SKP2: variants seen among roughly 807,000 people sequenced by gnomAD.
The protein encoded by SKP2 is S-phase kinase associated protein 2.
SKP2 carries 16 observed loss-of-function variants against 51.8 expected under a neutral mutation model. That is an observed-to-expected ratio of 0.31 (90% CI 0.21 to 0.47). The LOEUF is 0.47. Among genes scored for constraint, SKP2 ranks in the 20% least tolerant of loss-of-function variants. The pLI is 1.00. For missense variants in SKP2, 377 were observed against 505.3 expected, an observed-to-expected ratio of 0.75 and a Z score of 2.43; for synonymous variants, 176 against 198.6, an observed-to-expected ratio of 0.89 and a Z score of 0.96.
intron 9 of SKP2, among the ~76,000 whole-genome samples, chr5:36,178,483 GA>G (rs1185108510): frequency 1.3e-5 from 2 of 152,018 alleles, no homozygotes; most frequent in African/African-American, 4.8e-5. Flanking sequence ...TCTCATTTGG[GA>G]AAGGACTGCC....
chr5:36,175,797 T>C (rs1745614859), intron 7 of SKP2, among the ~76,000 whole-genome samples: 1 of 152,062 alleles, frequency 6.6e-6, no homozygotes, highest in African/African-American at 2.4e-5. Flanking sequence ...TAGCAGTGTA[T>C]TTCACGGAAT....
chr5:36,181,692 A>C, intron 9 of SKP2, 126 bp from the exon 10 acceptor site: 4 of 926,554 alleles, frequency 4.3e-6, no homozygotes, highest in Non-Finnish European at 6.6e-6. Flanking sequence ...CAAATCATTT[A>C]TTGTAAATTA....
intron 9 of SKP2, chr5:36,177,568 G>A: frequency 2.5e-6 from 1 of 401,860 alleles, no homozygotes; most frequent in Non-Finnish European, 4.7e-6. Flanking sequence ...CAGAGAAGCA[G>A]AAGATAACCT....
rs113277879 is a variant in SKP2, at chr5:36,160,660, G to A, written c.281-2985G>A. Among the ~76,000 whole-genome samples, 722 of 152,342 alleles carry A rather than the reference G, an allele frequency of 4.7e-3. 7 individuals are homozygous for A. The highest frequency in any genetic ancestry group is 0.017 in the African/African-American group (695 of 41,582). ...TTCTGATCTAGATATGTAAGAGGCA[G>A]CAGAGGTCTGAGAGAGTTGGATTAA... On this transcript the variant is annotated intron_variant, in intron 2 of 9. Transcript: ENST00000274255.
intron 4 of SKP2, among the ~76,000 whole-genome samples, chr5:36,168,027 C>T (rs1745345677): frequency 1.3e-5 from 2 of 152,168 alleles, no homozygotes; most frequent in South Asian, 4.1e-4. Flanking sequence ...CTCCTTGTCA[C>T]CCACATCCAG....
intron 7 of SKP2, among the ~76,000 whole-genome samples, chr5:36,172,960 T>TA (rs886789392): frequency 3.9e-5 from 6 of 152,068 alleles, no homozygotes; most frequent in Non-Finnish European, 5.9e-5. Context: ...TACAGTCATT[T>TA]AAAAAAAATG....
intron 6 of SKP2, among the ~76,000 whole-genome samples, chr5:36,171,100 A>G (rs1377894779): frequency 1.3e-5 from 2 of 152,194 alleles, no homozygotes; most frequent in African/African-American, 4.8e-5. Flanking sequence ...CAGCAGTGCC[A>G]GAAGTGGGGA....
intron 2 of SKP2, among the ~76,000 whole-genome samples, chr5:36,160,046 C>A (rs1745076324): frequency 6.6e-6 from 1 of 152,194 alleles, no homozygotes; most frequent in Non-Finnish European, 1.5e-5. Context: ...TCTTGTACCT[C>A]ATTTACTCTT....
intron 6 of SKP2, among the ~76,000 whole-genome samples, chr5:36,190,683 C>CAAAAAAAAAAAAAAAAA (rs70973094): frequency 2.3e-4 from 19 of 81,190 alleles, no homozygotes; most frequent in African/African-American, 6.9e-4. Context: ...CAAACATATG[C>CAAAAAAAAAAAAAAAAA]AAAAAAAAAA....
rs1745859553 is a variant in SKP2, at chr5:36,183,046, A to G, written c.*1015A>G. 2.1e-6 allele frequency: 2 copies of G among 963,948 alleles called. No homozygotes were observed. The highest frequency in any genetic ancestry group is 1.1e-4 in the East Asian group (1 of 8,698). 59.7% of individuals were successfully genotyped at this position (963,948 alleles called of 1,614,324 possible). A position where few individuals can be genotyped will look rare whatever the true frequency, so the allele number is the denominator to read the frequency against. On this transcript the variant is annotated 3_prime_UTR_variant, in exon 10 of 10. Transcript: ENST00000274255. ...AATAATTGTTTGAAACTATCCATAT[A>G]TAAGGTTATCAGACCTACAGTTCCC...
intron 6 of SKP2, among the ~76,000 whole-genome samples, chr5:36,191,573 CTT>C (rs1258708612): frequency 1.3e-5 from 2 of 152,156 alleles, no homozygotes; most frequent in Non-Finnish European, 2.9e-5. Context: ...AAGTGCAAAA[CTT>C]TATTTCTGGA....
At position 36,184,046 on chromosome 5, in the gene SKP2, G is replaced by C; in HGVS notation, c.*2015G>C. On this transcript the variant is annotated 3_prime_UTR_variant, in exon 10 of 10. Transcript: ENST00000274255. ...TTATAAAAATGAGTGCTTAAACTAA[G>C]TTGTATTCCTTTTTTCTTTCTCTTT... is the stretch of plus-strand genomic sequence containing the variant. The C allele has an allele frequency of 4.7e-6, 5 of 1,065,926 alleles. No homozygotes were observed. The highest frequency in any genetic ancestry group is 6.9e-6 in the Non-Finnish European group (5 of 721,104). 66.0% of individuals were successfully genotyped at this position (1,065,926 alleles called of 1,614,324 possible).
At chr5:36,175,439 A>G (rs1745602248) in intron 7 of SKP2, among the ~76,000 whole-genome samples, 1 of 152,140 alleles carries the variant, frequency 6.6e-6, no homozygotes, top group Non-Finnish European at 1.5e-5. Context: ...TGTGAGACGA[A>G]AAAACCCTCA....
chr5:36,162,247 C>G (rs764370366), intron 2 of SKP2, among the ~76,000 whole-genome samples: 12 of 66,846 alleles, frequency 1.8e-4, no homozygotes, highest in Non-Finnish European at 4.8e-4. Flanking sequence ...TCTGATTTTT[C>G]TACCCACCTA....
At chr5:36,163,812 AT>A (rs1394179540) in intron 3 of SKP2, 56 bp downstream of exon 3, 40 of 1,199,254 alleles carry the variant, frequency 3.3e-5, no homozygotes, top group Non-Finnish European at 5.0e-5. Flanking sequence ...GAGGAAGGTT[AT>A]TTATTCGTTT....
intron 7 of SKP2, among the ~76,000 whole-genome samples, chr5:36,174,024 ATGT>A (rs769721032): frequency 1.5e-4 from 23 of 152,228 alleles, no homozygotes; most frequent in Non-Finnish European, 2.8e-4. Context: ...GAGTTAAGAC[ATGT>A]ACAGCATGTG....
chr5:36,154,576 C>A (rs1022399057), intron 2 of SKP2, among the ~76,000 whole-genome samples: 3 of 152,126 alleles, frequency 2.0e-5, no homozygotes, highest in African/African-American at 4.8e-5. Context: ...GCTCTGTTGC[C>A]CAGGCTGGAA....
downstream of SKP2, among the ~76,000 whole-genome samples, chr5:36,185,938 G>A (rs1745951135): frequency 6.6e-6 from 1 of 152,114 alleles, no homozygotes; most frequent in South Asian, 2.1e-4. Context: ...TTGAGCAGTG[G>A]TTTGTAACTC....
chr5:36,163,886 T>C (rs778875381), intron 3 of SKP2, 130 bp downstream of exon 3: 45 of 625,130 alleles, frequency 7.2e-5, no homozygotes, highest in Non-Finnish European at 1.1e-4. Flanking sequence ...GGTATCTTCA[T>C]ATTTTTATTA....
Sources: gnomAD v4.1 joint callset for allele counts (sites outside exome capture counted in the v4.1 genomes callset) on GRCh38, gnomAD v4.1.1 for gene constraint, MANE v1.5 for transcripts, NCBI Gene and HGNC (gene_info 2026-07-23, HGNC 2026-07-21) for gene names.